CDC42: variants seen among roughly 807,000 people sequenced by gnomAD.
CDC42 encodes cell division control protein 42 homolog.
A neutral mutation model predicts 20.8 loss-of-function variants in CDC42; 1 was observed. The ratio of observed to expected loss-of-function variants is 0.05; its 90% CI spans 0.02 to 0.23. The LOEUF is 0.23. Among genes scored for constraint, CDC42 ranks in the 10% least tolerant of loss-of-function variants. The pLI is 1.00. For synonymous variants in CDC42, 72 were observed against 84.8 expected (o/e 0.85, Z 0.83); for missense variants, 49 against 227.9 (o/e 0.21, Z 5.05).
intron 3 of CDC42, among the ~76,000 whole-genome samples, chr1:22,082,875 A>ATT (rs3036839): frequency 0.19 from 27,030 of 140,064 alleles, 3,522 homozygotes; most frequent in African/African-American, 0.31. Flanking sequence ...CACAGAGAAA[A>ATT]TTTTTATTTT....
Position 22,095,470 on chromosome 1 carries a change from C to T in CDC42, c.*3953C>T, listed in dbSNP as rs1645750194. Among the ~76,000 whole-genome samples the T allele has an allele frequency of 1.3e-5, 2 of 152,072 alleles. No homozygotes were observed. The highest frequency in any genetic ancestry group is 4.1e-4 in the South Asian group (2 of 4,820). On this transcript the variant is annotated 3_prime_UTR_variant, in exon 6 of 6. Coordinates refer to ENST00000656825, the MANE Select transcript of CDC42 (RefSeq NM_001791.4). ...ATTTTTAGTAGAGATAGGGTTTCAC[C>T]ATGTTAGCCAGGATGGTCTCGATCT...
In CDC42 at chr1:22,091,552, T is replaced by G; in HGVS notation, c.*35T>G. 7.3e-7 allele frequency: 1 copy of G among 1,369,754 alleles called. No homozygotes were observed. The highest frequency in any genetic ancestry group is 1.0e-6 in the Non-Finnish European group (1 of 976,132). The allele number at this position is 1,369,754 out of a possible 1,614,324, so 84.9% of individuals were successfully genotyped here. ...CAGAGCCCTTTCTGCACAGCTGGTG[T>G]CGGCATCATACTAAAAGCAATGTTT... On this transcript the variant is annotated 3_prime_UTR_variant, in exon 6 of 6. Transcript: ENST00000656825.
In CDC42 at chr1:22,094,650, A is replaced by G. The variant is rs560096369; in HGVS notation, c.*3133A>G. On this transcript the variant is annotated 3_prime_UTR_variant, in exon 6 of 6. Coordinates refer to ENST00000656825, the MANE Select transcript of CDC42 (RefSeq NM_001791.4). ...TTCTTCAAGCTGGACTTTATGCCAC[A>G]AGGGGAGTGTATTCTAAAGGGGAAG... 9.2e-5 allele frequency among the ~76,000 whole-genome samples: 14 copies of G among 152,270 alleles called. No homozygotes were observed. The highest frequency in any genetic ancestry group is 1.8e-4 in the Non-Finnish European group (12 of 68,014).
chr1:22,081,855 T>TTG, intron 3 of CDC42, 61 bp downstream of exon 3: 2 of 1,084,010 alleles, frequency 1.8e-6, no homozygotes, highest in South Asian at 2.7e-5. Context: ...TGTCTGTCTC[T>TTG]TGTGGACATT....
At chr1:22,064,279 T>C (rs935517589) in intron 1 of CDC42, 1 of 149,116 alleles carries the variant, frequency 6.7e-6, no homozygotes, top group African/African-American at 2.5e-5. Context: ...AATCAAATAC[T>C]CTTGTGAATG....
chr1:22,057,017 G>C (rs1227490134), intron 1 of CDC42, among the ~76,000 whole-genome samples: 1 of 152,156 alleles, frequency 6.6e-6, no homozygotes, highest in East Asian at 1.9e-4. Context: ...TTCTTGATTG[G>C]TATATTGCTA....
At chr1:22,077,452 T>G (rs1448479445) in intron 1 of CDC42, among the ~76,000 whole-genome samples, 1 of 152,222 alleles carries the variant, frequency 6.6e-6, no homozygotes, top group East Asian at 1.9e-4. Flanking sequence ...TAGGTGGTTC[T>G]GTATTTTTAT....
In CDC42 at chr1:22,096,583, G is replaced by T. The variant is rs1276466309; in HGVS notation, c.*5066G>T. On this transcript the variant is annotated 3_prime_UTR_variant, in exon 6 of 6. Coordinates refer to ENST00000656825, the MANE Select transcript of CDC42 (RefSeq NM_001791.4). ...GAATGACAGTCTCAAGCAGTGCAGA[G>T]ATGTAAGCAGGCAGAGGTAAGGACT... Among the ~76,000 whole-genome samples the T allele has an allele frequency of 6.6e-6, 1 of 152,204 alleles. No homozygotes were observed. Among genetic ancestry groups the T allele is most frequent in the Non-Finnish European group, 1.5e-5 (1 of 68,038 alleles).
intron 1 of CDC42, 28 bp from the exon 2 acceptor site, chr1:22,078,401 T>C (rs1417947362): frequency 2.7e-6 from 3 of 1,122,344 alleles, no homozygotes; most frequent in Admixed American, 2.1e-5. Flanking sequence ...TAAGTATAAA[T>C]AAACAAATGT....
chr1:22,090,010 A>G (rs1384354204), intron 5 of CDC42: 10 of 1,614,002 alleles, frequency 6.2e-6, no homozygotes, highest in Non-Finnish European at 8.5e-6. Context: ...ACTCAACCCA[A>G]AAGGAAGTGC....
At chr1:22,053,113 A>G (rs972130689) in intron 1 of CDC42, among the ~76,000 whole-genome samples, 9 of 150,428 alleles carry the variant, frequency 6.0e-5, no homozygotes, top group East Asian at 2.0e-4. Flanking sequence ...GCGGGCTCCT[A>G]AGGGCGGCCG....
intron 1 of CDC42, among the ~76,000 whole-genome samples, chr1:22,066,429 G>T (rs1429163894): frequency 2.0e-5 from 3 of 152,078 alleles, no homozygotes; most frequent in African/African-American, 7.2e-5. Context: ...AAATAACATG[G>T]TTAATTACTC....
intron 1 of CDC42, chr1:22,053,526 C>T (rs1181167082): frequency 6.6e-6 from 1 of 152,238 alleles, no homozygotes; most frequent in Non-Finnish European, 1.5e-5. Context: ...AACTACCTCC[C>T]GAAGCCGTCG....
intron 1 of CDC42, among the ~76,000 whole-genome samples, chr1:22,060,023 G>A (rs1355865216): frequency 6.6e-6 from 1 of 152,098 alleles, no homozygotes; most frequent in Non-Finnish European, 1.5e-5. Flanking sequence ...GCCATTTGAA[G>A]CCATCTACGT....
At chr1:22,077,923 A>G (rs945896594) in intron 1 of CDC42, among the ~76,000 whole-genome samples, 1 of 152,180 alleles carries the variant, frequency 6.6e-6, no homozygotes, top group African/African-American at 2.4e-5. Flanking sequence ...CACGTTACTC[A>G]TATAATTACC....
chr1:22,067,657 T>G (rs1645439764), intron 1 of CDC42, among the ~76,000 whole-genome samples: 1 of 152,076 alleles, frequency 6.6e-6, no homozygotes, highest in South Asian at 2.1e-4. Flanking sequence ...GTTTGTTCCT[T>G]TTTGCTGTGT....
intron 5 of CDC42, among the ~76,000 whole-genome samples, chr1:22,089,637 C>T (rs754409100): frequency 1.3e-5 from 2 of 152,180 alleles, no homozygotes; most frequent in African/African-American, 4.8e-5. Flanking sequence ...TTCAGTTATT[C>T]AGGGGCTGAA....
intron 2 of CDC42, among the ~76,000 whole-genome samples, chr1:22,080,430 C>G (rs1049546269): frequency 6.6e-6 from 1 of 152,058 alleles, no homozygotes; most frequent in African/African-American, 2.4e-5. Context: ...TCCCTCATGC[C>G]CTTGCTTCTC....
At chr1:22,054,383 T>G (rs1387926509) in intron 1 of CDC42, among the ~76,000 whole-genome samples, 1 of 151,920 alleles carries the variant, frequency 6.6e-6, no homozygotes, top group African/African-American at 2.4e-5. Context: ...GCCCCGCTAA[T>G]TTTTGTATTT....
Sources: allele counts gnomAD v4.1 joint callset (sites outside exome capture counted in the v4.1 genomes callset), GRCh38; gene constraint gnomAD v4.1.1; transcripts MANE v1.5; gene names NCBI Gene and HGNC (gene_info 2026-07-23, HGNC 2026-07-21).